RBFOX1: variants seen among roughly 807,000 people sequenced by gnomAD.
The protein encoded by RBFOX1 is RNA binding protein fox-1 homolog 1.
Under a neutral mutation model 57.7 loss-of-function variants are expected in RBFOX1, and 8 were observed. The ratio of observed to expected loss-of-function variants is 0.14; its 90% CI spans 0.08 to 0.25. RBFOX1 has a LOEUF of 0.25. RBFOX1 is among the 10% of genes least tolerant of loss of function. The pLI, the probability that RBFOX1 is intolerant of heterozygous loss-of-function variation, is 1.00. For synonymous variants in RBFOX1, 326 were observed against 222.4 expected (o/e 1.47, Z -4.15); for missense variants, 611 against 548.5 (o/e 1.11, Z -1.14).
At chr16:6,610,606 C>A (rs544712691) in intron 2 of RBFOX1, among the ~76,000 whole-genome samples, 65 of 152,138 alleles carry the variant, frequency 4.3e-4, no homozygotes, top group African/African-American at 1.4e-3. Flanking sequence ...CTGGGATTAC[C>A]GGTGTAAACT....
At chr16:6,427,583 C>A (rs1171415525) in intron 2 of RBFOX1, among the ~76,000 whole-genome samples, 1 of 152,152 alleles carries the variant, frequency 6.6e-6, no homozygotes, top group Non-Finnish European at 1.5e-5. Context: ...CTCCTTACAC[C>A]TTAATGAAAG....
rs1214691867 is a variant in RBFOX1, at chr16:7,600,383, G to C, written c.622+2952G>C. Reference sequence around the variant, plus strand: ...AAAGTAGTTCTCCAAGCTATCCCAAGTTTCAACTCAGGAGTATCACCACTA... The same window carrying C: ...AAAGTAGTTCTCCAAGCTATCCCAACTTTCAACTCAGGAGTATCACCACTA... On this transcript the variant is annotated intron_variant, in intron 9 of 15. Coordinates refer to ENST00000550418, the MANE Select transcript of RBFOX1 (RefSeq NM_018723.4). Among the ~76,000 whole-genome samples, 7 of 152,300 alleles carry C rather than the reference G, an allele frequency of 4.6e-5. No homozygotes were observed. The South Asian group carries it at 1.2e-3, about 27-fold the overall frequency.
intron 3 of RBFOX1, among the ~76,000 whole-genome samples, chr16:6,765,513 C>T (rs1004721202): frequency 6.9e-6 from 1 of 145,686 alleles, no homozygotes; most frequent in Admixed American, 7.2e-5. Flanking sequence ...ACATGTACAC[C>T]TCAACTTAAA....
chr16:6,630,651 T>C (rs998841776), intron 2 of RBFOX1, among the ~76,000 whole-genome samples: 2 of 152,220 alleles, frequency 1.3e-5, no homozygotes, highest in African/African-American at 4.8e-5. Flanking sequence ...AACTAGCTGA[T>C]TGGTAATACT....
chr16:6,854,996 A>G (rs1241365700), intron 3 of RBFOX1, among the ~76,000 whole-genome samples: 1 of 151,402 alleles, frequency 6.6e-6, no homozygotes, highest in African/African-American at 2.4e-5. Flanking sequence ...TTTGGTGGCA[A>G]AGGAGTCAGT....
At chr16:7,219,846 C>T (rs2178720) in intron 4 of RBFOX1, among the ~76,000 whole-genome samples, 33,276 of 152,016 alleles carry the variant, frequency 0.22, 3,982 homozygotes, top group Non-Finnish European at 0.25. Flanking sequence ...CCCATTGTTT[C>T]TGAGAGTGAG....
intron 3 of RBFOX1, among the ~76,000 whole-genome samples, chr16:6,864,550 T>C (rs2059580889): frequency 6.8e-6 from 1 of 147,798 alleles, no homozygotes; most frequent in African/African-American, 2.5e-5. Flanking sequence ...CCTTCCTCTT[T>C]TTTTTTTTTT....
At chr16:7,669,114 G>T (rs1379391309) in intron 13 of RBFOX1, among the ~76,000 whole-genome samples, 1 of 152,166 alleles carries the variant, frequency 6.6e-6, no homozygotes, top group Non-Finnish European at 1.5e-5. Context: ...ATGTTGGCCA[G>T]GCTGGTCTCA....
chr16:7,224,789 C>T (rs2152874509), intron 4 of RBFOX1, among the ~76,000 whole-genome samples: 1 of 152,266 alleles, frequency 6.6e-6, no homozygotes, highest in African/African-American at 2.4e-5. Context: ...AAAGTGTGGT[C>T]CAAAGACCAG....
At chr16:7,008,037 T>C (rs1204953031) in intron 3 of RBFOX1, among the ~76,000 whole-genome samples, 1 of 152,160 alleles carries the variant, frequency 6.6e-6, no homozygotes, top group Non-Finnish European at 1.5e-5. Context: ...CAACTTAGCA[T>C]TATCTATATT....
At chr16:5,323,520 G>A (rs2064472539) in intron 1 of RBFOX1, among the ~76,000 whole-genome samples, 1 of 152,248 alleles carries the variant, frequency 6.6e-6, no homozygotes, top group Non-Finnish European at 1.5e-5. Flanking sequence ...CATTGTCTCT[G>A]CCCCACTGGG....
chr16:7,623,368 A>C (rs1243561214), intron 10 of RBFOX1, among the ~76,000 whole-genome samples: 4 of 152,122 alleles, frequency 2.6e-5, no homozygotes. Flanking sequence ...CATAATGTAG[A>C]ATCAGTGGGA....
Position 7,028,603 on chromosome 16 carries a change from CACACACAAAAAAAAAAAAA to C in RBFOX1, c.-15-23452_-15-23434del, listed in dbSNP as rs2041708988. 1.5e-4 allele frequency among the ~76,000 whole-genome samples: 5 copies of C among 32,622 alleles called. 1 individual carries two copies. Among genetic ancestry groups the C allele is most frequent in the Non-Finnish European group, 2.7e-4 (5 of 18,374 alleles). 21.4% of individuals were successfully genotyped at this position (32,622 alleles called of 152,430 possible). On this transcript the variant is annotated intron_variant, in intron 3 of 15. Transcript: ENST00000550418. Reference sequence around the variant, plus strand: ...ACTCCCTCACACACACACACACACACACACACAAAAAAAAAAAAAAAAAAAAAAAAAATTGAACCACACA... The same window carrying C: ...ACTCCCTCACACACACACACACACACAAAAAAAAAAAAATTGAACCACACA...
rs553693213 is a variant in RBFOX1, at chr16:6,658,121, C to T, written c.-16+3471C>T. Among the ~76,000 whole-genome samples, 23 of 152,222 alleles carry T rather than the reference C, an allele frequency of 1.5e-4. No homozygotes were observed. The South Asian group carries it at 4.8e-3, about 32-fold the overall frequency. On this transcript the variant is annotated intron_variant, in intron 3 of 15. Transcript: ENST00000550418. ...GGGCCTCTCCAAATTGTGCCTCATT[C>T]CCATTCTCTTCCTTTCAATGGGGCC... is the stretch of plus-strand genomic sequence containing the variant.
At chr16:7,574,441 G>T (rs961097214) in intron 5 of RBFOX1, among the ~76,000 whole-genome samples, 1 of 152,140 alleles carries the variant, frequency 6.6e-6, no homozygotes, top group Non-Finnish European at 1.5e-5. Context: ...AAGTCAGGCT[G>T]GGTCCCAAAA....
Position 6,744,191 on chromosome 16 carries a change from T to A in RBFOX1, c.-16+89541T>A, listed in dbSNP as rs758005383. Among the ~76,000 whole-genome samples, 157 of 152,254 alleles carry A rather than the reference T, an allele frequency of 1.0e-3. 2 individuals are homozygous for A. Among genetic ancestry groups the A allele is most frequent in the Middle Eastern group, 3.4e-3 (1 of 294 alleles). On this transcript the variant is annotated intron_variant, in intron 3 of 15. Coordinates refer to ENST00000550418, the MANE Select transcript of RBFOX1 (RefSeq NM_018723.4). Reference sequence around the variant, plus strand: ...GACTTAATCAAGAAGACATTAAATATTTATGCACCTCAACTTTAAAATACA... The same window carrying A: ...GACTTAATCAAGAAGACATTAAATAATTATGCACCTCAACTTTAAAATACA...
intron 4 of RBFOX1, among the ~76,000 whole-genome samples, chr16:7,266,377 C>G (rs956696640): frequency 6.6e-6 from 1 of 152,180 alleles, no homozygotes; most frequent in Non-Finnish European, 1.5e-5. Flanking sequence ...TCCTCACTTT[C>G]CGCCATGACG....
intron 3 of RBFOX1, among the ~76,000 whole-genome samples, chr16:5,698,699 A>G (rs902740303): frequency 2.0e-5 from 3 of 152,202 alleles, no homozygotes; most frequent in African/African-American, 7.2e-5. Context: ...AGCAACCCAA[A>G]TGTCTATTAA....
At chr16:6,694,184 A>G (rs528118712) in intron 3 of RBFOX1, among the ~76,000 whole-genome samples, 1 of 152,278 alleles carries the variant, frequency 6.6e-6, no homozygotes, top group East Asian at 1.9e-4. Flanking sequence ...CTGCTAAATA[A>G]TCCCTTTAGG....
Sources: allele counts gnomAD v4.1 joint callset (sites outside exome capture counted in the v4.1 genomes callset), GRCh38; gene constraint gnomAD v4.1.1; transcripts MANE v1.5; gene names NCBI Gene and HGNC (gene_info 2026-07-23, HGNC 2026-07-21).